Variants in IL1RAPL2 observed in about 807,000 individuals in gnomAD.
IL1RAPL2 encodes X-linked interleukin-1 receptor accessory protein-like 2.
Under a neutral mutation model 44.1 loss-of-function variants are expected in IL1RAPL2, and 3 were observed. The ratio of observed to expected loss-of-function variants is 0.07; its 90% CI spans 0.03 to 0.18. IL1RAPL2 has a LOEUF of 0.18. Among genes scored for constraint, IL1RAPL2 ranks in the 10% least tolerant of loss-of-function variants. The pLI is 1.00. For missense variants in IL1RAPL2, 391 were observed against 496.4 expected, an observed-to-expected ratio of 0.79 and a Z score of 2.02; for synonymous variants, 181 against 178.8, an observed-to-expected ratio of 1.01 and a Z score of -0.10.
At chrX:104,891,016 T>A (rs999856219) in intron 2 of IL1RAPL2, among the ~76,000 whole-genome samples, 1 of 112,152 alleles carries the variant, frequency 8.9e-6, no homozygotes, top group African/African-American at 3.2e-5. Context: ...TTTCTACATA[T>A]GGCTAACCAG....
chrX:104,985,810 A>G (rs1465599415), intron 2 of IL1RAPL2, among the ~76,000 whole-genome samples: 1 of 112,148 alleles, frequency 8.9e-6, no homozygotes, highest in African/African-American at 3.2e-5. Flanking sequence ...GCTATCAAAT[A>G]TTTGTCTTTT....
At chrX:105,034,521 G>C (rs1322623467) in intron 2 of IL1RAPL2, among the ~76,000 whole-genome samples, 3 of 112,122 alleles carry the variant, frequency 2.7e-5, no homozygotes, top group Non-Finnish European at 5.6e-5. Flanking sequence ...TATCAGCAGC[G>C]GTGGCTGCAG....
At chrX:105,690,273 G>A (rs777719430) in intron 6 of IL1RAPL2, among the ~76,000 whole-genome samples, 24 of 111,078 alleles carry the variant, frequency 2.2e-4, no homozygotes, top group African/African-American at 6.2e-4. Context: ...TCAACTTAAC[G>A]TTTTAAGTTA....
intron 2 of IL1RAPL2, among the ~76,000 whole-genome samples, chrX:105,189,588 T>TA (rs2033617797): frequency 8.9e-6 from 1 of 112,309 alleles, no homozygotes; most frequent in African/African-American, 3.2e-5. Flanking sequence ...CCTAGATACT[T>TA]AATTTTAAAT....
intron 2 of IL1RAPL2, among the ~76,000 whole-genome samples, chrX:105,156,379 C>A (rs766531694): frequency 1.2e-4 from 14 of 112,035 alleles, no homozygotes; most frequent in Non-Finnish European, 2.1e-4. Flanking sequence ...GTCCCATCTT[C>A]ATAGTCTCTT....
Position 105,229,788 on chromosome X carries a change from T to TTTTG in IL1RAPL2, c.357-4010_357-4007dup, listed in dbSNP as rs782742727. 3.7e-3 allele frequency among the ~76,000 whole-genome samples: 412 copies of TTTTG among 110,944 alleles called. 1 individual carries two copies. The highest frequency in any genetic ancestry group is 0.018 in the Middle Eastern group (4 of 217). The stretch of plus-strand genomic sequence containing the variant: ...TCTAAGAAGCTCCCAGAAGTAAATT[T>TTTTG]TTTGTTTGTTTGTTTGTTTGTTTTT... On this transcript the variant is annotated intron_variant, in intron 3 of 10. Coordinates refer to ENST00000372582, the MANE Select transcript of IL1RAPL2 (RefSeq NM_017416.2).
At chrX:105,199,707 T>G (rs782717474) in intron 3 of IL1RAPL2, among the ~76,000 whole-genome samples, 1 of 112,047 alleles carries the variant, frequency 8.9e-6, no homozygotes, top group African/African-American at 3.2e-5. Context: ...TCTAGACCAA[T>G]AGAAGATAAA....
At chrX:105,259,909 A>G (rs1280980530) in intron 4 of IL1RAPL2, among the ~76,000 whole-genome samples, 1 of 111,866 alleles carries the variant, frequency 8.9e-6, no homozygotes, top group Non-Finnish European at 1.9e-5. Context: ...CTGCTGTAGT[A>G]TGCTGGAGGC....
At chrX:105,205,975 C>T (rs2033760607) in intron 3 of IL1RAPL2, among the ~76,000 whole-genome samples, 1 of 110,300 alleles carries the variant, frequency 9.1e-6, no homozygotes, top group Non-Finnish European at 1.9e-5. Flanking sequence ...AATAGGGAGA[C>T]ATGAATGAAT....
At chrX:105,045,155 C>T (rs1304337237) in intron 2 of IL1RAPL2, among the ~76,000 whole-genome samples, 1 of 110,920 alleles carries the variant, frequency 9.0e-6, no homozygotes, top group Non-Finnish European at 1.9e-5. Flanking sequence ...AATTAATGAG[C>T]TCCAGAAAAA....
At position 104,911,945 on chromosome X, in the gene IL1RAPL2, G is replaced by A. The variant is rs371732694; in HGVS notation, c.82+252950G>A. ...GTATTCAGGCCTTCACTCAAATATC[G>A]CTTTCTCAGAGAGGCCTTCCCTAGT... On this transcript the variant is annotated intron_variant, in intron 2 of 10. Coordinates refer to ENST00000372582, the MANE Select transcript of IL1RAPL2 (RefSeq NM_017416.2). Among the ~76,000 whole-genome samples the A allele has an allele frequency of 2.7e-5, 3 of 111,403 alleles. No individual in the cohort carries two copies. In the South Asian group the frequency reaches 1.1e-3, roughly 42 times the overall value.
chrX:104,620,931 TATATAATA>T (rs1249080275), intron 1 of IL1RAPL2, among the ~76,000 whole-genome samples: 3 of 102,778 alleles, frequency 2.9e-5, no homozygotes, highest in African/African-American at 1.1e-4. Flanking sequence ...TTCTATAATT[TATATAATA>T]ATATAATATA....
Position 104,827,461 on chromosome X carries a change from C to T in IL1RAPL2, c.82+168466C>T, listed in dbSNP as rs1043557774. ...AATATTAAATATTGTCCCCCACTCTCTTCTGGCTTGTAGCATTTCCACAGA... is the reference window on the plus strand; with the variant it reads ...AATATTAAATATTGTCCCCCACTCTTTTCTGGCTTGTAGCATTTCCACAGA... On this transcript the variant is annotated intron_variant, in intron 2 of 10. Coordinates refer to ENST00000372582, the MANE Select transcript of IL1RAPL2 (RefSeq NM_017416.2). Among the ~76,000 whole-genome samples the T allele has an allele frequency of 3.6e-5, 4 of 111,677 alleles. No individual in the cohort carries two copies. The East Asian group carries it at 8.5e-4, about 24-fold the overall frequency.
chrX:105,453,509 C>T (rs1386932695), intron 5 of IL1RAPL2, among the ~76,000 whole-genome samples: 1 of 111,120 alleles, frequency 9.0e-6, no homozygotes, highest in Non-Finnish European at 1.9e-5. Context: ...CATGGTATAC[C>T]CAAAATTTTC....
At chrX:104,729,267 C>A (rs2147570028) in intron 2 of IL1RAPL2, among the ~76,000 whole-genome samples, 1 of 110,749 alleles carries the variant, frequency 9.0e-6, no homozygotes, top group African/African-American at 3.3e-5. Context: ...AAGCTCATAT[C>A]AAAAATTTTT....
At chrX:104,913,036 A>G (rs187772506) in intron 2 of IL1RAPL2, among the ~76,000 whole-genome samples, 1 of 112,095 alleles carries the variant, frequency 8.9e-6, no homozygotes, top group African/African-American at 3.2e-5. Flanking sequence ...AGGGCCAGTG[A>G]GATACAGAAT....
chrX:105,260,454 T>C (rs1454744263), intron 4 of IL1RAPL2, among the ~76,000 whole-genome samples: 1 of 112,081 alleles, frequency 8.9e-6, no homozygotes, highest in Non-Finnish European at 1.9e-5. Flanking sequence ...TGTTTTTTGC[T>C]GGGGAATCCC....
intron 2 of IL1RAPL2, among the ~76,000 whole-genome samples, chrX:104,699,214 A>G (rs1198532658): frequency 9.0e-6 from 1 of 111,695 alleles, no homozygotes; most frequent in East Asian, 2.8e-4. Context: ...CATTACATTT[A>G]TCATGTACTT....
intron 6 of IL1RAPL2, among the ~76,000 whole-genome samples, chrX:105,612,273 T>C (rs915053374): frequency 9.1e-6 from 1 of 110,215 alleles, no homozygotes; most frequent in Non-Finnish European, 1.9e-5. Flanking sequence ...GCTTAGCTAA[T>C]TTTTTTTATT....
Sources: gnomAD v4.1 joint callset for allele counts (sites outside exome capture counted in the v4.1 genomes callset) on GRCh38, gnomAD v4.1.1 for gene constraint, MANE v1.5 for transcripts, NCBI Gene and HGNC (gene_info 2026-07-23, HGNC 2026-07-21) for gene names.